GLYR1: variants seen among roughly 807,000 people sequenced by gnomAD.
The protein encoded by GLYR1 is glyoxylate reductase 1 homolog.
Under a neutral mutation model 72.7 loss-of-function variants are expected in GLYR1, and 21 were observed. The observed-to-expected ratio is 0.29, with a 90% CI of 0.20 to 0.42. GLYR1 has a LOEUF of 0.42. GLYR1 is among the 10% of genes least tolerant of loss of function. GLYR1 has a pLI of 1.00. For synonymous variants in GLYR1, 392 were observed against 270.2 expected (o/e 1.45, Z -4.42); for missense variants, 594 against 712.1 (o/e 0.83, Z 1.89).
chr16:4,804,998 C>G lies in GLYR1; in HGVS notation c.*238G>C. The stretch of plus-strand genomic sequence containing the variant: ...ACACACAGCCACCTCGTCCGGGGGG[C>G]CAGTGCCCAGCTCAAGAGCTTTCCC... On this transcript the variant is annotated 3_prime_UTR_variant, in exon 16 of 16. Coordinates refer to ENST00000321919, the MANE Select transcript of GLYR1 (RefSeq NM_032569.4). 1.8e-6 allele frequency: 1 copy of G among 551,646 alleles called. No homozygotes were observed. The highest frequency in any genetic ancestry group is 3.3e-6 in the Non-Finnish European group (1 of 304,846). The allele number at this position is 551,646 out of a possible 1,614,324, so 34.2% of individuals were successfully genotyped here.
intron 3 of GLYR1, among the ~76,000 whole-genome samples, chr16:4,839,030 G>A (rs1379603771): frequency 6.6e-6 from 1 of 152,124 alleles, no homozygotes; most frequent in Non-Finnish European, 1.5e-5. Flanking sequence ...GAGACTACAG[G>A]TACATGCTAC....
In GLYR1 at chr16:4,831,964, A is replaced by T; in HGVS notation, c.537+15T>A. On this transcript the variant is annotated intron_variant, in intron 5 of 15. Transcript: ENST00000321919. ...GGACATCACTAATCCCGGAAGCTGC[A>T]GAGAGAAAACAAACCTTCTCATCCT... 1.9e-6 allele frequency: 3 copies of T among 1,610,134 alleles called. No individual in the cohort carries two copies. The highest frequency in any genetic ancestry group is 2.5e-6 in the Non-Finnish European group (3 of 1,178,142).
chr16:4,830,903 C>A (rs930638455), intron 5 of GLYR1, among the ~76,000 whole-genome samples: 7 of 152,130 alleles, frequency 4.6e-5, no homozygotes, highest in African/African-American at 1.7e-4. Flanking sequence ...TGAAACAAAC[C>A]CATTCCACTG....
chr16:4,835,450 A>G (rs930845157), intron 3 of GLYR1, among the ~76,000 whole-genome samples: 7 of 152,274 alleles, frequency 4.6e-5, no homozygotes, highest in African/African-American at 1.7e-4. Flanking sequence ...CAGTATGAAT[A>G]GGATGGTAAA....
chr16:4,821,468 C>G lies in GLYR1; in HGVS notation c.733-15G>C, dbSNP rs774906762. 2 of 1,614,136 alleles carry G rather than the reference C, an allele frequency of 1.2e-6. No homozygotes were observed. Among genetic ancestry groups the G allele is most frequent in the Non-Finnish European group, 1.7e-6 (2 of 1,180,050 alleles). On this transcript the variant is annotated splice_polypyrimidine_tract_variant and intron_variant, in intron 8 of 15. Coordinates refer to ENST00000321919, the MANE Select transcript of GLYR1 (RefSeq NM_032569.4). ...GAGCCAGTTTCCTACGGACAGGAAGCACACATCATCAAGTCAGTCTGCCTG... is the reference window on the plus strand; with the variant it reads ...GAGCCAGTTTCCTACGGACAGGAAGGACACATCATCAAGTCAGTCTGCCTG...
intron 8 of GLYR1, 31 bp from the exon 9 acceptor site, chr16:4,821,484 A>T: frequency 6.2e-7 from 1 of 1,614,086 alleles, no homozygotes. Context: ...TCATCAAGTC[A>T]GTCTGCCTGC....
chr16:4,836,766 A>C (rs964751251), intron 3 of GLYR1, among the ~76,000 whole-genome samples: 8 of 152,052 alleles, frequency 5.3e-5, no homozygotes, highest in Admixed American at 5.2e-4. Context: ...CAACTGTTTC[A>C]ATGTTGACAA....
At chr16:4,818,976 A>C (rs143104768) in intron 9 of GLYR1, among the ~76,000 whole-genome samples, 1 of 152,258 alleles carries the variant, frequency 6.6e-6, no homozygotes, top group African/African-American at 2.4e-5. Flanking sequence ...TCCTTCCTGC[A>C]ACCCTGAGAG....
Position 4,832,791 on chromosome 16 carries a change from C to T in GLYR1, c.277G>A (p.Ala93Thr). 1.9e-6 allele frequency: 3 copies of T among 1,609,256 alleles called. No homozygotes were observed. The highest frequency in any genetic ancestry group is 2.5e-6 in the Non-Finnish European group (3 of 1,177,876). Residue 93 changes from alanine (A) to threonine (T), a missense_variant, in exon 4 of 16, where the codon GCC becomes ACC. By Grantham distance (58) the Ala-to-Thr change is moderately conservative (BLOSUM62 0). Coordinates refer to ENST00000321919, the MANE Select transcript of GLYR1 (RefSeq NM_032569.4). Reference protein sequence around the residue: ...VDAVEEFLRRAKGKDQTSSHN... With the variant: ...VDAVEEFLRRTKGKDQTSSHN... The stretch of plus-strand genomic sequence containing the variant: ...TCTCTCACCTGGTCTTTCCCTTTGG[C>T]TCTCCTGAGGAACTCTTCGACAGCA...
At chr16:4,828,572 G>A (rs2084582355) in intron 5 of GLYR1, among the ~76,000 whole-genome samples, 1 of 151,318 alleles carries the variant, frequency 6.6e-6, no homozygotes, top group African/African-American at 2.5e-5. Context: ...CAGTTTATTG[G>A]GAGCTCGTGA....
chr16:4,834,433 G>T (rs2085000968), intron 3 of GLYR1, among the ~76,000 whole-genome samples: 1 of 151,682 alleles, frequency 6.6e-6, no homozygotes, highest in Non-Finnish European at 1.5e-5. Flanking sequence ...CCAAGTGCTG[G>T]GATTACAGGC....
chr16:4,822,969 G>C (rs2075466), intron 6 of GLYR1, 38 bp from the exon 7 acceptor site: 441,759 of 1,562,624 alleles, frequency 0.28, 64,687 homozygotes, highest in South Asian at 0.44. Context: ...CCAGTTATCT[G>C]CCACCAAAGG....
At position 4,804,134 on chromosome 16, in the gene GLYR1, T is replaced by C. The variant is rs922829630; in HGVS notation, c.*1102A>G. ...AGCTGAGCCTAAGAAATGCTCATCG[T>C]TGGTCAGGCTGGGTCTGGGCCAAAG... On this transcript the variant is annotated 3_prime_UTR_variant, in exon 16 of 16. Transcript: ENST00000321919. 3.3e-5 allele frequency: 5 copies of C among 152,228 alleles called. No individual in the cohort carries two copies. The highest frequency in any genetic ancestry group is 9.7e-5 in the African/African-American group (4 of 41,402). The allele number at this position is 152,228 out of a possible 1,614,324, so 9.4% of individuals were successfully genotyped here. A position where few individuals can be genotyped will look rare whatever the true frequency, so the allele number is the denominator to read the frequency against.
chr16:4,826,094 C>A (rs1236755591), intron 5 of GLYR1, among the ~76,000 whole-genome samples: 1 of 152,138 alleles, frequency 6.6e-6, no homozygotes, highest in Non-Finnish European at 1.5e-5. Flanking sequence ...GTCACCCAGG[C>A]TGGAGTGCAG....
intron 5 of GLYR1, among the ~76,000 whole-genome samples, chr16:4,830,307 G>T (rs938484294): frequency 1.4e-5 from 2 of 148,122 alleles, no homozygotes; most frequent in Non-Finnish European, 3.0e-5. Flanking sequence ...TGATCTTCCT[G>T]CCTCAGCCTC....
intron 3 of GLYR1, among the ~76,000 whole-genome samples, chr16:4,842,426 T>C (rs1029065225): frequency 4.6e-5 from 7 of 152,100 alleles, no homozygotes; most frequent in African/African-American, 9.7e-5. Flanking sequence ...CATGGCTCAC[T>C]GCAGTTTTGA....
intron 5 of GLYR1, among the ~76,000 whole-genome samples, chr16:4,830,606 G>C (rs2084733193): frequency 6.6e-6 from 1 of 152,156 alleles, no homozygotes; most frequent in African/African-American, 2.4e-5. Context: ...AAGGTCTAAT[G>C]TTCCATCATG....
intron 5 of GLYR1, among the ~76,000 whole-genome samples, chr16:4,825,154 A>C (rs1270861310): frequency 1.3e-5 from 2 of 152,194 alleles, no homozygotes; most frequent in African/African-American, 4.8e-5. Context: ...AGGGCCAATC[A>C]GATTATGATG....
chr16:4,814,074 A>C (rs561455005), intron 11 of GLYR1: 25 of 394,722 alleles, frequency 6.3e-5, no homozygotes, highest in East Asian at 5.1e-4. Context: ...TAAAAAAAAA[A>C]AAAAACAAAC....
Sources: allele counts gnomAD v4.1 joint callset (sites outside exome capture counted in the v4.1 genomes callset), GRCh38; gene constraint gnomAD v4.1.1; transcripts MANE v1.5; gene names NCBI Gene and HGNC (gene_info 2026-07-23, HGNC 2026-07-21).